Variants in ADGRG2 observed in about 807,000 individuals in gnomAD.
The protein encoded by ADGRG2 is G protein-coupled receptor 64.
In ADGRG2, 26 loss-of-function variants were observed where a neutral mutation model predicts 74.1. That is an observed-to-expected ratio of 0.35 (90% CI 0.26 to 0.49). The LOEUF is 0.49. Ranked by LOEUF, ADGRG2 falls within the 20% of genes least tolerant of loss-of-function variation. ADGRG2 has a pLI of 0.99. For synonymous variants in ADGRG2, 296 were observed against 295.2 expected, an observed-to-expected ratio of 1.00 and a Z score of -0.03; for missense variants, 619 against 763.1, an observed-to-expected ratio of 0.81 and a Z score of 2.22.
At chrX:19,036,097 A>G in intron 6 of ADGRG2, 120 bp from the exon 7 acceptor site, 1 of 401,751 alleles carries the variant, frequency 2.5e-6, no homozygotes, top group Non-Finnish European at 4.3e-6. Context: ...GTTTTGCAAA[A>G]GCCAACTGAC....
In ADGRG2 at chrX:18,990,914, G is replaced by A. The variant is rs976561887; in HGVS notation, c.3004C>T (p.Leu1002Phe). Residue 1002 changes from leucine (L) to phenylalanine (F), a missense_variant, in exon 29 of 29, where the codon CTC becomes TTC. Leu to Phe is a conservative substitution (Grantham distance 22). Around this residue, in one of 3 missense-constraint regions of ADGRG2, gnomAD observed 106 missense variants for 104.5 expected, o/e 1.01. Coordinates refer to ENST00000379869, the MANE Select transcript of ADGRG2 (RefSeq NM_001079858.3). ...CTTCCCCGCTTTGAAGTCCTTCTGA[G>A]AGCCATACGGCCTTTCCCATTGCAG... ...DSCNGKGRMA[L>F]RRTSKRGSLH... 2 of 1,204,896 alleles carry A rather than the reference G, an allele frequency of 1.7e-6. No individual in the cohort carries two copies. Among genetic ancestry groups the A allele is most frequent in the African/African-American group, 3.5e-5 (2 of 57,217 alleles).
At chrX:19,005,296 C>T (rs1235322823) in intron 22 of ADGRG2, among the ~76,000 whole-genome samples, 2 of 112,330 alleles carry the variant, frequency 1.8e-5, no homozygotes, top group African/African-American at 3.2e-5. Context: ...AATAGCAACT[C>T]CCCATTCTAC....
chrX:19,020,954 C>CAAA, intron 14 of ADGRG2, 150 bp downstream of exon 14: 4 of 387,750 alleles, frequency 1.0e-5, no homozygotes, highest in East Asian at 9.2e-5. Context: ...GACTCTGCCT[C>CAAA]AAAAAAAAAA....
intron 1 of ADGRG2, among the ~76,000 whole-genome samples, chrX:19,088,786 A>G (rs1450432069): frequency 2.7e-5 from 3 of 112,003 alleles, no homozygotes; most frequent in Non-Finnish European, 5.6e-5. Context: ...TGTATTTTCA[A>G]TGATGAGAGA....
intron 1 of ADGRG2, among the ~76,000 whole-genome samples, chrX:19,097,665 G>C (rs1291178585): frequency 8.9e-6 from 1 of 112,047 alleles, no homozygotes; most frequent in Admixed American, 9.5e-5. Flanking sequence ...TCGCAGCTGA[G>C]GACCTTATAC....
At chrX:19,007,924 A>C in intron 19 of ADGRG2, 56 bp downstream of exon 19, 1 of 1,038,899 alleles carries the variant, frequency 9.6e-7, no homozygotes, top group Non-Finnish European at 1.3e-6. Context: ...AAAAGAAATG[A>C]AATGCCCTCA....
At chrX:19,076,801 A>T (rs1276269947) in intron 2 of ADGRG2, among the ~76,000 whole-genome samples, 1 of 111,528 alleles carries the variant, frequency 9.0e-6, no homozygotes, top group Non-Finnish European at 1.9e-5. Context: ...TAAAACAATA[A>T]CATCTTGTAG....
intron 1 of ADGRG2, 131 bp downstream of exon 1, chrX:19,122,311 C>T (rs1186839317): frequency 8.9e-6 from 1 of 112,282 alleles, no homozygotes; most frequent in African/African-American, 3.2e-5. Flanking sequence ...GCGTTCGTCC[C>T]GCCGGCCCGC....
chrX:19,103,996 G>A (rs1337676243), intron 1 of ADGRG2, among the ~76,000 whole-genome samples: 1 of 111,748 alleles, frequency 8.9e-6, no homozygotes, highest in Non-Finnish European at 1.9e-5. Context: ...GCACTAAGAG[G>A]CATAGATTGT....
At chrX:18,994,256 G>A (rs890489747) in intron 28 of ADGRG2, among the ~76,000 whole-genome samples, 1 of 112,119 alleles carries the variant, frequency 8.9e-6, no homozygotes, top group African/African-American at 3.2e-5. Context: ...TTGGGAGGCC[G>A]AGGTGGGCAA....
At chrX:19,019,704 C>T (rs775517131) in intron 14 of ADGRG2, 39 bp from the exon 15 acceptor site, 14 of 767,393 alleles carry the variant, frequency 1.8e-5, no homozygotes, top group Non-Finnish European at 1.8e-5. Flanking sequence ...GAAAAATGCA[C>T]GGTCAAGAAC....
chrX:19,027,260 C>T lies in ADGRG2; in HGVS notation c.429G>A (p.Thr143=), dbSNP rs2060724785. The change falls in exon 11 of 29, where the codon ACG becomes ACA. Residue 143 remains threonine (T), a synonymous_variant. Coordinates refer to ENST00000379869, the MANE Select transcript of ADGRG2 (RefSeq NM_001079858.3). The part of the protein sequence containing the change: ...ESTVPQNQHI[T]NGTLTGVLSL... ...ACAGGACTCCAGTTAAGGTGCCATT[C>T]GTTATATGTTGATTCTGTTAGAAGC... 5 of 1,125,586 alleles carry T rather than the reference C, an allele frequency of 4.4e-6. No individual in the cohort carries two copies. Among genetic ancestry groups the T allele is most frequent in the South Asian group, 1.8e-5 (1 of 54,870 alleles). The allele number at this position is 1,125,586 out of a possible 1,213,427, so 92.8% of individuals were successfully genotyped here.
intron 3 of ADGRG2, among the ~76,000 whole-genome samples, chrX:19,045,304 T>TTATTATTATTATTATTAG (rs1305587634): frequency 1.9e-5 from 2 of 102,833 alleles, no homozygotes; most frequent in Non-Finnish European, 3.9e-5. Flanking sequence ...GTTATTATTA[T>TTATTATTATTATTATTAG]TATTATTATT....
At chrX:19,036,721 A>G (rs1953586233) in intron 6 of ADGRG2, among the ~76,000 whole-genome samples, 1 of 111,383 alleles carries the variant, frequency 9.0e-6, no homozygotes, top group African/African-American at 3.3e-5. Context: ...AAGTAACTGC[A>G]CATAAAAATG....
intron 26 of ADGRG2, among the ~76,000 whole-genome samples, chrX:18,998,568 C>T (rs1186656564): frequency 9.5e-6 from 1 of 105,151 alleles, no homozygotes; most frequent in East Asian, 3.0e-4. Flanking sequence ...TTTGCATATA[C>T]AAGCATACCT....
chrX:19,111,841 T>C, intron 1 of ADGRG2, among the ~76,000 whole-genome samples: 1 of 111,185 alleles, frequency 9.0e-6, no homozygotes, highest in South Asian at 3.8e-4. Flanking sequence ...CTTTACAATT[T>C]GTGCACTAAA....
chrX:19,105,504 T>C (rs771452771), intron 1 of ADGRG2, among the ~76,000 whole-genome samples: 1 of 110,269 alleles, frequency 9.1e-6, no homozygotes, highest in African/African-American at 3.3e-5. Context: ...CCACATGTTC[T>C]CACTCATAAG....
chrX:19,089,277 C>G (rs1459376504), intron 1 of ADGRG2, among the ~76,000 whole-genome samples: 1 of 111,000 alleles, frequency 9.0e-6, no homozygotes, highest in African/African-American at 3.3e-5. Flanking sequence ...TACTCATAAA[C>G]TCTTCCTAGG....
intron 28 of ADGRG2, 31 bp downstream of exon 28, chrX:18,994,865 C>T (rs2148087619): frequency 8.9e-7 from 1 of 1,117,466 alleles, no homozygotes; most frequent in African/African-American, 1.8e-5. Flanking sequence ...TAAACACTAG[C>T]TTGAGAAATA....
Sources: gnomAD v4.1 joint callset for allele counts (sites outside exome capture counted in the v4.1 genomes callset) on GRCh38, gnomAD v4.1.1 for gene constraint, gnomAD v4.1.1 regional missense constraint, MANE v1.5 for transcripts, NCBI Gene and HGNC (gene_info 2026-07-23, HGNC 2026-07-21) for gene names.